Variants in MYO1E observed in about 807,000 individuals in gnomAD.
The protein encoded by MYO1E is unconventional myosin-Ie.
Under a neutral mutation model 151.1 loss-of-function variants are expected in MYO1E, and 68 were observed. That is an observed-to-expected ratio of 0.45 (90% CI 0.37 to 0.55). The LOEUF is 0.55. Ranked by LOEUF, MYO1E falls within the 20% of genes least tolerant of loss-of-function variation. The probability of loss-of-function intolerance (pLI) is 0.00; values close to 1 mark genes in which losing one functional copy is unlikely to be tolerated. For missense variants in MYO1E, 1,363 were observed against 1,389.3 expected (o/e 0.98, Z 0.30); for synonymous variants, 601 against 501.7 (o/e 1.20, Z -2.64).
chr15:59,146,439 C>T (rs1293532642), intron 26 of MYO1E, among the ~76,000 whole-genome samples: 2 of 152,052 alleles, frequency 1.3e-5, no homozygotes, highest in East Asian at 1.9e-4. Flanking sequence ...CCTGAGTCTC[C>T]CAAGTAGCTG....
At chr15:59,281,261 TTTTC>T (rs2080351524) in intron 1 of MYO1E, among the ~76,000 whole-genome samples, 1 of 151,854 alleles carries the variant, frequency 6.6e-6, no homozygotes, top group Non-Finnish European at 1.5e-5. Flanking sequence ...TTTCCTTTTC[TTTTC>T]TTTTTCTTTT....
chr15:59,143,642 C>T (rs1248125666), intron 26 of MYO1E, among the ~76,000 whole-genome samples: 3 of 152,172 alleles, frequency 2.0e-5, no homozygotes, highest in African/African-American at 4.8e-5. Flanking sequence ...TTGTCCTAGG[C>T]ATTTTCACAG....
intron 16 of MYO1E, among the ~76,000 whole-genome samples, chr15:59,197,477 T>C (rs566776842): frequency 6.6e-6 from 1 of 152,354 alleles, no homozygotes; most frequent in African/African-American, 2.4e-5. Context: ...GAGTTTGCAG[T>C]GCAGATTAGA....
chr15:59,202,150 C>G (rs968811106), intron 16 of MYO1E, among the ~76,000 whole-genome samples, 176 bp downstream of exon 16: 12 of 152,196 alleles, frequency 7.9e-5, no homozygotes, highest in Admixed American at 2.0e-4. Context: ...ACAGCCAAGT[C>G]AAATTCAGCT....
At chr15:59,250,749 G>C (rs561198262) in intron 4 of MYO1E, among the ~76,000 whole-genome samples, 2 of 152,236 alleles carry the variant, frequency 1.3e-5, no homozygotes, top group South Asian at 4.2e-4. Context: ...CCTGGAGTTT[G>C]GCCCAACTCC....
chr15:59,178,250 G>C, intron 19 of MYO1E, 143 bp downstream of exon 19: 1 of 1,025,856 alleles, frequency 9.7e-7, no homozygotes, highest in South Asian at 1.6e-5. Flanking sequence ...ACTTAGACCA[G>C]GAAGGGAGGG....
chr15:59,353,175 G>A (rs1270241604), intron 1 of MYO1E, among the ~76,000 whole-genome samples: 1 of 151,884 alleles, frequency 6.6e-6, no homozygotes, highest in African/African-American at 2.4e-5. Context: ...AATCTAAAAT[G>A]TCTTGTTTAT....
rs530587537 is a variant in MYO1E, at chr15:59,334,336, CACAAAGAAATT to C, written c.3+38151_3+38161del. 5.9e-5 allele frequency among the ~76,000 whole-genome samples: 9 copies of C among 152,194 alleles called. No homozygotes were observed. The South Asian group carries it at 1.0e-3, about 18-fold the overall frequency. ...AAAAGTATAATTGGAATGTTTGTAACACAAAGAAATTATAAAGGCTTAAGGTGATGGATACC... is the reference window on the plus strand; with the variant it reads ...AAAAGTATAATTGGAATGTTTGTAACATAAAGGCTTAAGGTGATGGATACC... On this transcript the variant is annotated intron_variant, in intron 1 of 27. Transcript: ENST00000288235.
intron 1 of MYO1E, among the ~76,000 whole-genome samples, chr15:59,307,797 G>A (rs28673219): frequency 0.15 from 22,151 of 151,582 alleles, 2,496 homozygotes; most frequent in African/African-American, 0.32. Flanking sequence ...TTTAGTAGAG[G>A]TGGGGTTTCT....
At chr15:59,277,561 A>ACAACAAC (rs765946535) in intron 1 of MYO1E, among the ~76,000 whole-genome samples, 6 of 145,890 alleles carry the variant, frequency 4.1e-5, no homozygotes, top group African/African-American at 2.6e-5. Context: ...AAAAAAAAAA[A>ACAACAAC]AAAAAAAAAA....
intron 18 of MYO1E, among the ~76,000 whole-genome samples, chr15:59,182,359 C>T (rs1242604540): frequency 3.3e-5 from 5 of 152,218 alleles, no homozygotes; most frequent in Middle Eastern, 3.4e-3. Flanking sequence ...ACTACAGGCA[C>T]CCGGCACCAT....
intron 13 of MYO1E, among the ~76,000 whole-genome samples, chr15:59,209,408 T>C (rs1441176398): frequency 6.6e-6 from 1 of 151,848 alleles, no homozygotes; most frequent in East Asian, 1.9e-4. Flanking sequence ...CCGGGCATGG[T>C]GGCTCATGCC....
intron 16 of MYO1E, among the ~76,000 whole-genome samples, chr15:59,201,401 ATTTTTTTTT>A (rs35807865): frequency 1.8e-5 from 2 of 113,218 alleles, no homozygotes; most frequent in East Asian, 5.1e-4. Flanking sequence ...GCTGACACAG[ATTTTTTTTT>A]TTTTTTTTTT....
In MYO1E at chr15:59,286,298, A is replaced by G. The variant is rs141407995; in HGVS notation, c.4-13849T>C. Among the ~76,000 whole-genome samples, 330 of 152,336 alleles carry G rather than the reference A, an allele frequency of 2.2e-3. 1 individual carries two copies. The highest frequency in any genetic ancestry group is 7.3e-3 in the African/African-American group (305 of 41,576). On this transcript the variant is annotated intron_variant, in intron 1 of 27. Coordinates refer to ENST00000288235, the MANE Select transcript of MYO1E (RefSeq NM_004998.4). ...TGCAAAATGCTGGAGGTATGCTGAC[A>G]TGAGTTAACCAACTACTCACATGTT...
intron 1 of MYO1E, among the ~76,000 whole-genome samples, chr15:59,331,668 C>A (rs2080698873): frequency 6.6e-6 from 1 of 152,198 alleles, no homozygotes; most frequent in Non-Finnish European, 1.5e-5. Context: ...AAATTTTCAA[C>A]AACTTATATC....
At chr15:59,268,571 G>A (rs138709495) in intron 2 of MYO1E, among the ~76,000 whole-genome samples, 1 of 152,076 alleles carries the variant, frequency 6.6e-6, no homozygotes, top group East Asian at 1.9e-4. Flanking sequence ...AGAAAACCAA[G>A]AAATACATGA....
chr15:59,331,061 C>T (rs1277497106), intron 1 of MYO1E, among the ~76,000 whole-genome samples: 9 of 152,176 alleles, frequency 5.9e-5, no homozygotes, highest in Admixed American at 1.3e-4. Context: ...TGAGCCACGA[C>T]GCCCAGTCTG....
At position 59,210,701 on chromosome 15, in the gene MYO1E, C is replaced by G. The variant is rs909352487; in HGVS notation, c.1276-101G>C. ...AAAAATTCCCATAAAAGAGAAAAAC[C>G]TGAATGTCCTGCAACAAAGACCAGG... is the stretch of plus-strand genomic sequence containing the variant. On this transcript the variant is annotated intron_variant, in intron 12 of 27. Transcript: ENST00000288235. The G allele has an allele frequency of 4.7e-5, 37 of 785,730 alleles. No homozygotes were observed. In the South Asian group the frequency reaches 4.9e-4, roughly 10 times the overall value. The allele number at this position is 785,730 out of a possible 1,614,324, so 48.7% of individuals were successfully genotyped here.
chr15:59,286,034 TATAA>T (rs1247849252), intron 1 of MYO1E, among the ~76,000 whole-genome samples: 14 of 152,198 alleles, frequency 9.2e-5, no homozygotes, highest in Non-Finnish European at 1.3e-4. Context: ...CAGCTGTGCA[TATAA>T]ATAAAGACAG....
Sources: allele counts gnomAD v4.1 joint callset (sites outside exome capture counted in the v4.1 genomes callset), GRCh38; gene constraint gnomAD v4.1.1; transcripts MANE v1.5; gene names NCBI Gene and HGNC (gene_info 2026-07-23, HGNC 2026-07-21).